ITGAE: variants seen among roughly 807,000 people sequenced by gnomAD.
ITGAE encodes the protein integrin alpha-E.
Under a neutral mutation model 136.5 loss-of-function variants are expected in ITGAE, and 99 were observed. The ratio of observed to expected loss-of-function variants is 0.73; its 90% CI spans 0.62 to 0.86. The LOEUF (loss-of-function observed/expected upper bound fraction) is 0.86, where lower values mean the gene tolerates loss of function less well. Among genes scored for constraint, ITGAE ranks in the 40% least tolerant of loss-of-function variants. The probability of loss-of-function intolerance (pLI) is 0.00; values close to 1 mark genes in which losing one functional copy is unlikely to be tolerated. For synonymous variants in ITGAE, 613 were observed against 591.8 expected (o/e 1.04, Z -0.52); for missense variants, 1,447 against 1,515.3 (o/e 0.95, Z 0.75).
intron 29 of ITGAE, 40 bp from the exon 30 acceptor site, chr17:3,716,838 G>T: frequency 1.7e-6 from 2 of 1,182,588 alleles, no homozygotes; most frequent in Non-Finnish European, 2.5e-6. Flanking sequence ...ATCAGGTGAA[G>T]CAAACAAGGA....
chr17:3,720,024 G>C (rs2051018455), intron 29 of ITGAE, among the ~76,000 whole-genome samples: 1 of 152,094 alleles, frequency 6.6e-6, no homozygotes, highest in South Asian at 2.1e-4. Context: ...CCTGCGCCCA[G>C]CTGCGAAATT....
chr17:3,757,208 C>G, intron 9 of ITGAE, 74 bp from the exon 10 acceptor site: 1 of 1,535,842 alleles, frequency 6.5e-7, no homozygotes, highest in Non-Finnish European at 8.8e-7. Context: ...CTGAGCCCCT[C>G]CATCTGGCCT....
chr17:3,739,148 A>G (rs902716466), intron 20 of ITGAE, among the ~76,000 whole-genome samples: 1 of 151,770 alleles, frequency 6.6e-6, no homozygotes, highest in Non-Finnish European at 1.5e-5. Flanking sequence ...ACCCAACCAC[A>G]TAGCTCGTTC....
chr17:3,758,697 C>T (rs1374474230), intron 8 of ITGAE, among the ~76,000 whole-genome samples: 1 of 151,940 alleles, frequency 6.6e-6, no homozygotes, highest in Non-Finnish European at 1.5e-5. Flanking sequence ...GGTGATCCAC[C>T]TGTGTTGGCC....
At position 3,780,163 on chromosome 17, in the gene ITGAE, GTTTA is replaced by G. The variant is rs746262430; in HGVS notation, c.35-2507_35-2504del. 2.5e-3 allele frequency among the ~76,000 whole-genome samples: 350 copies of G among 142,432 alleles called. 1 individual carries two copies. The highest frequency in any genetic ancestry group is 3.5e-3 in the African/African-American group (133 of 38,166). The allele number at this position is 142,432 out of a possible 152,430, so 93.4% of individuals were successfully genotyped here. On this transcript the variant is annotated intron_variant, in intron 1 of 30. Coordinates refer to ENST00000263087, the MANE Select transcript of ITGAE (RefSeq NM_002208.5). Reference sequence around the variant, plus strand: ...TAATTTTTGGTTTTTTTGTTTGTTTGTTTATTTGTTTTTTTTTTTTTTTTGGAAA... The same window carrying G: ...TAATTTTTGGTTTTTTTGTTTGTTTGTTTGTTTTTTTTTTTTTTTTGGAAA...
At chr17:3,743,771 C>T (rs1338111063) in intron 18 of ITGAE, among the ~76,000 whole-genome samples, 154 bp from the exon 19 acceptor site, 3 of 137,888 alleles carry the variant, frequency 2.2e-5, no homozygotes, top group Non-Finnish European at 3.0e-5. Context: ...GGCGTGATCT[C>T]GGCTCACTGC....
At chr17:3,731,959 C>T (rs2051353451) in intron 22 of ITGAE, among the ~76,000 whole-genome samples, 1 of 151,904 alleles carries the variant, frequency 6.6e-6, no homozygotes, top group East Asian at 1.9e-4. Flanking sequence ...GCCTGTAATC[C>T]CAGCTACTCA....
intron 1 of ITGAE, among the ~76,000 whole-genome samples, chr17:3,797,671 G>A (rs1001044691): frequency 1.3e-5 from 2 of 151,650 alleles, no homozygotes; most frequent in East Asian, 3.9e-4. Context: ...GTGTTGGCCA[G>A]GATGGTCTTG....
chr17:3,775,618 C>A (rs373551006), intron 2 of ITGAE, among the ~76,000 whole-genome samples: 3 of 150,016 alleles, frequency 2.0e-5, no homozygotes, highest in Admixed American at 6.6e-5. Context: ...CGCCACCACA[C>A]CCAGCTAATT....
At chr17:3,779,569 T>C (rs966795210) in intron 1 of ITGAE, among the ~76,000 whole-genome samples, 9 of 152,202 alleles carry the variant, frequency 5.9e-5, no homozygotes. Flanking sequence ...CCTCAAGTGA[T>C]CCACCTGCCT....
At chr17:3,724,525 C>A (rs2051159151) in intron 26 of ITGAE, 2 of 1,613,908 alleles carry the variant, frequency 1.2e-6, no homozygotes, top group African/African-American at 2.7e-5. Flanking sequence ...TGTCTGGTTG[C>A]AGCCTCAGCC....
At position 3,751,748 on chromosome 17, in the gene ITGAE, C is replaced by A; in HGVS notation, c.1795G>T (p.Ala599Ser). Residue 599 changes from alanine (A) to serine (S), a missense_variant, in exon 15 of 31, where the codon GCC becomes TCC. Around this residue, in one of 3 missense-constraint regions of ITGAE, gnomAD observed 1,031 missense variants for 1,011.4 expected, o/e 1.02. Coordinates refer to ENST00000263087, the MANE Select transcript of ITGAE (RefSeq NM_002208.5). ...QDKLTDVAIG[A>S]PLEGFGADDG... ...TCTGCCCCAAAACCTTCCAGGGGGG[C>A]CCCGATGGCCACATCTGTGAGCTTA... 6.2e-7 allele frequency: 1 copy of A among 1,614,070 alleles called. No homozygotes were observed. The highest frequency in any genetic ancestry group is 8.5e-7 in the Non-Finnish European group (1 of 1,179,966).
At chr17:3,793,025 G>A (rs1388665574) in intron 1 of ITGAE, among the ~76,000 whole-genome samples, 1 of 152,004 alleles carries the variant, frequency 6.6e-6, no homozygotes, top group Admixed American at 6.6e-5. Context: ...CTTGTTTGGG[G>A]GTAATGGATC....
chr17:3,738,302 C>G (rs1211463699), intron 20 of ITGAE, among the ~76,000 whole-genome samples: 1 of 151,738 alleles, frequency 6.6e-6, no homozygotes, highest in East Asian at 1.9e-4. Flanking sequence ...TGCCCAGTAG[C>G]TGTGATTACA....
Position 3,724,191 on chromosome 17 carries a change from C to A in ITGAE, c.3085-447G>T, listed in dbSNP as rs1453673823. On this transcript the variant is annotated intron_variant, in intron 26 of 30. Coordinates refer to ENST00000263087, the MANE Select transcript of ITGAE (RefSeq NM_002208.5). Reference sequence around the variant, plus strand: ...GCGGCGGCGGAGGCGTCCCGGCGGCCGAGTGCCCAAGGACCGGCCCAGCCT... The same window carrying A: ...GCGGCGGCGGAGGCGTCCCGGCGGCAGAGTGCCCAAGGACCGGCCCAGCCT... 11 of 1,592,316 alleles carry A rather than the reference C, an allele frequency of 6.9e-6. No homozygotes were observed. The South Asian group carries it at 7.8e-5, about 11-fold the overall frequency.
intron 8 of ITGAE, among the ~76,000 whole-genome samples, chr17:3,759,198 C>T (rs2052104883): frequency 6.6e-6 from 1 of 151,850 alleles, no homozygotes; most frequent in African/African-American, 2.4e-5. Context: ...GCACTCTGCT[C>T]TCCTGCATCT....
intron 15 of ITGAE, 69 bp downstream of exon 15, chr17:3,751,581 G>C: frequency 1.4e-6 from 2 of 1,441,422 alleles, no homozygotes; most frequent in Non-Finnish European, 1.9e-6. Flanking sequence ...CCGACTTGGG[G>C]CTTGGGTCAT....
At chr17:3,754,264 T>TTTTA (rs954690908) in intron 12 of ITGAE, among the ~76,000 whole-genome samples, 107 of 152,042 alleles carry the variant, frequency 7.0e-4, no homozygotes, top group African/African-American at 2.2e-3. Context: ...CTATTATTAT[T>TTTTA]TTTATTTATT....
At chr17:3,760,034 T>A in intron 7 of ITGAE, 138 bp downstream of exon 7, 1 of 638,782 alleles carries the variant, frequency 1.6e-6, no homozygotes, top group East Asian at 2.8e-5. Context: ...CCAGGCAAGA[T>A]GGACAGAAGA....
Sources: allele counts gnomAD v4.1 joint callset (sites outside exome capture counted in the v4.1 genomes callset), GRCh38; gene constraint gnomAD v4.1.1; regional missense constraint gnomAD v4.1.1; transcripts MANE v1.5; gene names NCBI Gene and HGNC (gene_info 2026-07-23, HGNC 2026-07-21).